RSPH3: variants seen among roughly 807,000 people sequenced by gnomAD.
The protein encoded by RSPH3 is radial spoke head protein 3 homolog.
RSPH3 carries 21 observed loss-of-function variants against 43.8 expected under a neutral mutation model. The observed-to-expected ratio is 0.48, with a 90% confidence interval of 0.34 to 0.69. RSPH3 has a LOEUF of 0.69. Ranked by LOEUF, RSPH3 falls within the 30% of genes least tolerant of loss-of-function variation. RSPH3 has a pLI of 0.01. For synonymous variants in RSPH3, 173 were observed against 179.8 expected, an observed-to-expected ratio of 0.96 and a Z score of 0.30; for missense variants, 487 against 516.0, an observed-to-expected ratio of 0.94 and a Z score of 0.54.
Position 158,984,121 on chromosome 6 carries a change from G to A in RSPH3, c.347-314C>T, listed in dbSNP as rs113027981. Reference sequence around the variant, plus strand: ...TGTACTACAGCCTGGGCAACACAGTGAGACTCTGTCTCAAAGAAAAAAAAA... The same window carrying A: ...TGTACTACAGCCTGGGCAACACAGTAAGACTCTGTCTCAAAGAAAAAAAAA... On this transcript the variant is annotated intron_variant, in intron 3 of 7. Transcript: ENST00000367069. Among the ~76,000 whole-genome samples, 2,705 of 151,988 alleles carry A rather than the reference G, an allele frequency of 0.018. 32 individuals carry two copies. Among genetic ancestry groups the A allele is most frequent in the Middle Eastern group, 0.024 (7 of 294 alleles).
chr6:158,991,380 G>A (rs570312577), intron 2 of RSPH3, among the ~76,000 whole-genome samples: 1 of 152,306 alleles, frequency 6.6e-6, no homozygotes, highest in Admixed American at 6.5e-5. Context: ...ACAAGCCTGA[G>A]TGGGGTTGGA....
intron 3 of RSPH3, among the ~76,000 whole-genome samples, 185 bp downstream of exon 3, chr6:158,986,095 C>T (rs979208663): frequency 2.0e-5 from 3 of 152,168 alleles, no homozygotes; most frequent in Non-Finnish European, 2.9e-5. Context: ...AGATTACAGG[C>T]GTGAGCCAGC....
chr6:158,990,090 G>C (rs1360811127), intron 2 of RSPH3, among the ~76,000 whole-genome samples: 1 of 152,102 alleles, frequency 6.6e-6, no homozygotes, highest in Non-Finnish European at 1.5e-5. Flanking sequence ...CTTCAGTTTT[G>C]GAGCCTGGAC....
chr6:158,993,385 G>C (rs1242761974), intron 2 of RSPH3, among the ~76,000 whole-genome samples: 2 of 151,186 alleles, frequency 1.3e-5, no homozygotes, highest in African/African-American at 4.9e-5. Flanking sequence ...CAAAGTGCTG[G>C]GATTACAGGC....
chr6:158,981,111 C>A (rs12210676), intron 5 of RSPH3, among the ~76,000 whole-genome samples, 175 bp from the exon 6 acceptor site: 2,704 of 152,162 alleles, frequency 0.018, 34 homozygotes, highest in Middle Eastern at 0.024. Flanking sequence ...CAGCTAGTGG[C>A]TACTGAATTC....
At chr6:158,986,143 A>G (rs1583713080) in intron 3 of RSPH3, 137 bp downstream of exon 3, 1 of 845,942 alleles carries the variant, frequency 1.2e-6, no homozygotes, top group East Asian at 2.5e-5. Context: ...TAATAAAGGA[A>G]CTTCCCTACC....
In RSPH3 at chr6:158,990,983, C is replaced by T. The variant is rs568346407; in HGVS notation, c.204+2856G>A. On this transcript the variant is annotated intron_variant, in intron 2 of 7. Coordinates refer to ENST00000367069, the MANE Select transcript of RSPH3 (RefSeq NM_031924.8). The stretch of plus-strand genomic sequence containing the variant: ...CAAATTTACTGACTGTTTCCTATGC[C>T]ATTTCCAATGTACTACTGAGTCCAT... 2.1e-3 allele frequency among the ~76,000 whole-genome samples: 325 copies of T among 151,930 alleles called. 1 individual carries two copies. The highest frequency in any genetic ancestry group is 7.2e-3 in the African/African-American group (298 of 41,434).
At chr6:158,988,314 AT>A (rs1180647047) in intron 2 of RSPH3, 1 of 151,630 alleles carries the variant, frequency 6.6e-6, no homozygotes, top group Non-Finnish European at 1.5e-5. Context: ...TGCTTTTGGG[AT>A]TCTTTTTTTG....
the RSPH3 span, among the ~76,000 whole-genome samples, chr6:158,966,753 T>G: frequency 2.0e-5 from 3 of 151,146 alleles, no homozygotes; most frequent in Non-Finnish European, 4.4e-5. Flanking sequence ...TGTTAATCTT[T>G]GCAAAAAAAA....
intron 1 of RSPH3, among the ~76,000 whole-genome samples, chr6:158,995,589 C>T (rs550492156): frequency 8.6e-5 from 13 of 151,904 alleles, no homozygotes; most frequent in Non-Finnish European, 1.5e-4. Context: ...TCTTCTTTCA[C>T]TTTATTTTAT....
Position 158,983,830 on chromosome 6 carries a change from C to T in RSPH3, c.347-23G>A, listed in dbSNP as rs2143651. On this transcript the variant is annotated intron_variant, in intron 3 of 7. Transcript: ENST00000367069. The stretch of plus-strand genomic sequence containing the variant: ...ATTCTAAGAAGAATATCATATATAT[C>T]GAGTTTAAAATTCTGGTCTAAGGCC... 196,032 of 1,551,610 alleles carry T rather than the reference C, an allele frequency of 0.13. 19,464 individuals are homozygous for T. The highest frequency in any genetic ancestry group is 0.46 in the East Asian group (20,219 of 44,318).
Position 158,977,333 on chromosome 6 carries a change from T to G in RSPH3, c.*205A>C. ...CTCATTAGAATTACAATATAGCCTT[T>G]GAATATTCTATTAAATAAATGAATT... is the stretch of plus-strand genomic sequence containing the variant. On this transcript the variant is annotated 3_prime_UTR_variant, in exon 8 of 8. Transcript: ENST00000367069. 1.9e-6 allele frequency: 1 copy of G among 525,732 alleles called. No homozygotes were observed. The highest frequency in any genetic ancestry group is 3.0e-5 in the East Asian group (1 of 32,890). The allele number at this position is 525,732 out of a possible 1,614,324, so 32.6% of individuals were successfully genotyped here.
chr6:158,962,987 T>C, the RSPH3 span, among the ~76,000 whole-genome samples: 31 of 152,292 alleles, frequency 2.0e-4, no homozygotes, highest in South Asian at 4.6e-3. Context: ...ACATTTATGA[T>C]TGAAAATGTT....
intron 1 of RSPH3, 33 bp downstream of exon 1, chr6:158,999,402 A>G: frequency 6.7e-7 from 1 of 1,483,298 alleles, no homozygotes; most frequent in South Asian, 1.4e-5. Flanking sequence ...GGGTGCAAGT[A>G]TGGACCACAC....
At chr6:158,984,473 T>TATATATA (rs1164216163) in intron 3 of RSPH3, among the ~76,000 whole-genome samples, 53 of 128,448 alleles carry the variant, frequency 4.1e-4, no homozygotes, top group African/African-American at 1.5e-3. Flanking sequence ...TATATATATA[T>TATATATA]ATTTGAGTCC....
chr6:158,996,886 C>A (rs1319475982), intron 1 of RSPH3, among the ~76,000 whole-genome samples: 1 of 152,050 alleles, frequency 6.6e-6, no homozygotes, highest in Non-Finnish European at 1.5e-5. Context: ...GGAAGTGGGG[C>A]CTAGTGGGAG....
In RSPH3 at chr6:159,000,008, C is replaced by G. The variant is rs45484795; in HGVS notation, c.-458G>C. 22 of 1,542,780 alleles carry G rather than the reference C, an allele frequency of 1.4e-5. No homozygotes were observed. The highest frequency in any genetic ancestry group is 1.9e-5 in the Non-Finnish European group (22 of 1,144,466). ...GGCCTGCGGGGCAACGGTGGCTGTC[C>G]TTGGCCCGGCTTTGGAATGTGGCTT... On this transcript the variant is annotated 5_prime_UTR_variant, in exon 1 of 8. Coordinates refer to ENST00000367069, the MANE Select transcript of RSPH3 (RefSeq NM_031924.8).
intron 1 of RSPH3, among the ~76,000 whole-genome samples, chr6:158,997,357 C>T (rs542135355): frequency 8.1e-4 from 123 of 151,078 alleles, no homozygotes; most frequent in African/African-American, 2.6e-3. Context: ...CTGCAACCTC[C>T]GCCTTCTGGG....
At chr6:158,987,902 C>A (rs541453033) in intron 2 of RSPH3, among the ~76,000 whole-genome samples, 46 of 152,272 alleles carry the variant, frequency 3.0e-4, no homozygotes, top group Admixed American at 5.2e-4. Context: ...GGACCGCATA[C>A]CACAGTTATA....
Sources: allele counts gnomAD v4.1 joint callset (sites outside exome capture counted in the v4.1 genomes callset), GRCh38; gene constraint gnomAD v4.1.1; transcripts MANE v1.5; gene names NCBI Gene and HGNC (gene_info 2026-07-23, HGNC 2026-07-21).